The following PCDH15 variants were observed in gnomAD, a reference collection of about 807,000 sequenced individuals.
The protein encoded by PCDH15 is protocadherin-15.
A neutral mutation model predicts 178.5 loss-of-function variants in PCDH15; 129 were observed. The observed-to-expected ratio is 0.72, with a 90% CI of 0.63 to 0.84. The LOEUF (loss-of-function observed/expected upper bound fraction) is 0.84, where lower values mean the gene tolerates loss of function less well. Among genes scored for constraint, PCDH15 ranks in the 40% least tolerant of loss-of-function variants. The probability of loss-of-function intolerance (pLI) is 0.00; values close to 1 mark genes in which losing one functional copy is unlikely to be tolerated. For synonymous variants in PCDH15, 800 were observed against 732.0 expected (o/e 1.09, Z -1.50); for missense variants, 2,230 against 2,099.9 (o/e 1.06, Z -1.21).
intron 8 of PCDH15, among the ~76,000 whole-genome samples, chr10:54,290,647 A>C (rs530035366): frequency 6.6e-5 from 10 of 152,330 alleles, no homozygotes; most frequent in East Asian, 5.8e-4. Context: ...TATTCAAGAG[A>C]CACATCTCAC....
intron 25 of PCDH15, among the ~76,000 whole-genome samples, chr10:53,925,115 T>C (rs2084390484): frequency 2.6e-5 from 4 of 152,178 alleles, no homozygotes. Flanking sequence ...GCTGGGGTCC[T>C]CTTCCACACT....
At position 55,460,269 on chromosome 10, in the gene PCDH15, CTTATA is replaced by C. The variant is rs1839645596; in HGVS notation, c.-156+167351_-156+167355del. ...TATTATTATTGTATTCTATATTACTCTTATATTATTATCATGTGTATTGGGATGGC... is the reference window on the plus strand; with the variant it reads ...TATTATTATTGTATTCTATATTACTCTTATTATCATGTGTATTGGGATGGC... On this transcript the variant is annotated intron_variant, in intron 2 of 5. Transcript: ENST00000613346. Among the ~76,000 whole-genome samples the C allele has an allele frequency of 2.0e-5, 3 of 151,500 alleles. No individual in the cohort carries two copies. The South Asian group carries it at 6.2e-4, about 31-fold the overall frequency.
chr10:54,430,383 G>T (rs1956822993), intron 3 of PCDH15, among the ~76,000 whole-genome samples: 1 of 151,996 alleles, frequency 6.6e-6, no homozygotes, highest in East Asian at 1.9e-4. Flanking sequence ...TTCAGCACAT[G>T]GAACATTCTC....
intron 2 of PCDH15, among the ~76,000 whole-genome samples, chr10:55,542,159 T>C (rs909164475): frequency 6.6e-6 from 1 of 151,562 alleles, no homozygotes; most frequent in South Asian, 2.1e-4. Flanking sequence ...TATATGTCTA[T>C]ATATGTACAT....
intron 5 of PCDH15, among the ~76,000 whole-genome samples, 183 bp from the exon 6 acceptor site, chr10:54,346,667 T>C (rs983021694): frequency 1.3e-5 from 2 of 152,168 alleles, no homozygotes; most frequent in Non-Finnish European, 2.9e-5. Context: ...TTAAAATGTC[T>C]GAAATGTCCA....
intron 17 of PCDH15, among the ~76,000 whole-genome samples, chr10:54,077,188 C>A (rs990156708): frequency 6.6e-6 from 1 of 151,978 alleles, no homozygotes; most frequent in Non-Finnish European, 1.5e-5. Flanking sequence ...CAAATGAACA[C>A]AAAATTTACT....
intron 2 of PCDH15, among the ~76,000 whole-genome samples, chr10:54,962,112 G>T (rs1247511331): frequency 6.6e-6 from 1 of 152,244 alleles, no homozygotes; most frequent in Non-Finnish European, 1.5e-5. Context: ...GGGATCCACT[G>T]AATGGTGGGA....
intron 1 of PCDH15, among the ~76,000 whole-genome samples, chr10:55,304,947 G>T (rs1419717617): frequency 1.3e-5 from 2 of 152,058 alleles, no homozygotes. Context: ...CCCTCAAGTA[G>T]ATAGTATTTT....
At chr10:54,529,521 A>T (rs981328645) in intron 2 of PCDH15, among the ~76,000 whole-genome samples, 1 of 152,138 alleles carries the variant, frequency 6.6e-6, no homozygotes, top group African/African-American at 2.4e-5. Flanking sequence ...AAAAATCAGA[A>T]GAACAAAGTT....
At chr10:54,050,860 C>A (rs187142401) in intron 18 of PCDH15, among the ~76,000 whole-genome samples, 1 of 152,232 alleles carries the variant, frequency 6.6e-6, no homozygotes, top group African/African-American at 2.4e-5. Flanking sequence ...CCCTACATGT[C>A]ATGGGAGGGA....
intron 15 of PCDH15, among the ~76,000 whole-genome samples, chr10:54,117,315 A>C (rs2095132289): frequency 6.6e-6 from 1 of 152,108 alleles, no homozygotes; most frequent in African/African-American, 2.4e-5. Flanking sequence ...GACCAGATGC[A>C]GGCACCTGCA....
chr10:54,528,252 AT>A (rs910133404), intron 2 of PCDH15: 21 of 817,184 alleles, frequency 2.6e-5, no homozygotes, highest in African/African-American at 2.4e-4. Context: ...AACAAACATA[AT>A]TGGACTTTAA....
At chr10:55,221,231 C>A (rs1357691518) in intron 1 of PCDH15, among the ~76,000 whole-genome samples, 1 of 152,008 alleles carries the variant, frequency 6.6e-6, no homozygotes, top group Admixed American at 6.6e-5. Context: ...TGACAGAATT[C>A]AGAATGTGGT....
intron 1 of PCDH15, among the ~76,000 whole-genome samples, chr10:55,272,607 T>A (rs1842474978): frequency 6.6e-6 from 1 of 151,902 alleles, no homozygotes; most frequent in Admixed American, 6.6e-5. Flanking sequence ...GGTCTTGAAC[T>A]CCTGATCTCA....
intron 23 of PCDH15, among the ~76,000 whole-genome samples, chr10:53,957,158 A>G (rs542541794): frequency 2.0e-5 from 3 of 152,308 alleles, no homozygotes; most frequent in Non-Finnish European, 4.4e-5. Context: ...TTTAAGCAAT[A>G]TATCACTTTC....
In PCDH15 at chr10:53,805,421, G is replaced by GAAAC. The variant is rs1053816095; in HGVS notation, c.*1154_*1157dup. 54 of 152,114 alleles carry GAAAC rather than the reference G, an allele frequency of 3.5e-4. No homozygotes were observed. The highest frequency in any genetic ancestry group is 1.2e-3 in the African/African-American group (51 of 41,532). The allele number at this position is 152,114 out of a possible 1,614,324, so 9.4% of individuals were successfully genotyped here. On this transcript the variant is annotated 3_prime_UTR_variant, in exon 38 of 38. Transcript: ENST00000644397. ...TTCTGTTTTCATTTCTACTTATGAT[G>GAAAC]AAACACTGTGCTTTGTTCAATGGTA...
rs1465170707 is a variant in PCDH15 at position 55,132,907 on chromosome 10, G to T, written c.-80+33669C>A. Among the ~76,000 whole-genome samples the T allele has an allele frequency of 3.4e-4, 51 of 152,142 alleles. 2 individuals are homozygous for T. ...AAGGACGCTTTAAACTTATAAATAA[G>T]TTCTTCCTAATTTAGTTGTTTCATT... On this transcript the variant is annotated intron_variant, in intron 2 of 5. Coordinates refer to the PCDH15 transcript ENST00000458638.
At chr10:55,601,948 G>C (rs189130325) in intron 2 of PCDH15, among the ~76,000 whole-genome samples, 72 of 152,160 alleles carry the variant, frequency 4.7e-4, no homozygotes, top group African/African-American at 5.8e-4. Context: ...CGCAGAAGAC[G>C]GGTGATTTCT....
chr10:54,901,723 T>G (rs559546565), intron 2 of PCDH15, among the ~76,000 whole-genome samples: 1 of 152,108 alleles, frequency 6.6e-6, no homozygotes, highest in African/African-American at 2.4e-5. Context: ...TCACTGAAAA[T>G]GACTTGATAA....
Sources: gnomAD v4.1 joint callset for allele counts (sites outside exome capture counted in the v4.1 genomes callset) on GRCh38, gnomAD v4.1.1 for gene constraint, MANE v1.5 for transcripts, NCBI Gene and HGNC (gene_info 2026-07-23, HGNC 2026-07-21) for gene names.